Variants in SDK1 observed in about 807,000 individuals in gnomAD.
The protein encoded by SDK1 is protein sidekick-1.
A neutral mutation model predicts 245.5 loss-of-function variants in SDK1; 157 were observed. The ratio of observed to expected loss-of-function variants is 0.64; its 90% confidence interval spans 0.56 to 0.73. The LOEUF (loss-of-function observed/expected upper bound fraction) is 0.73. Ranked by LOEUF, SDK1 falls within the 30% of genes least tolerant of loss-of-function variation. SDK1 has a pLI of 0.00. For synonymous variants in SDK1, 1,647 were observed against 1,278.5 expected (o/e 1.29, Z -6.15); for missense variants, 3,583 against 3,002.3 (o/e 1.19, Z -4.52).
chr7:3,639,093 C>G lies in SDK1; in HGVS notation c.548C>G (p.Ser183Ter). ...ATGGGAGCACTCCTGCAAAGAAAAT[C>G]AGAAGTTCAAGTCGCATGTATGTGT... is the stretch of plus-strand genomic sequence containing the variant. Reference protein sequence around the residue: ...NRMGALLQRKSEVQVAYMGSF... With the variant: ...NRMGALLQRK The change falls in exon 3 of 45, where the codon TCA (serine) becomes TGA (stop). Residue 183 changes from serine (S) to a stop codon, truncating the protein, a stop_gained. Coordinates refer to ENST00000404826, the MANE Select transcript of SDK1 (RefSeq NM_152744.4). LOFTEE classifies it high-confidence loss of function. 1.3e-6 allele frequency: 2 copies of G among 1,598,570 alleles called. No homozygotes were observed. Among genetic ancestry groups the G allele is most frequent in the South Asian group, 1.1e-5 (1 of 89,280 alleles).
intron 17 of SDK1, among the ~76,000 whole-genome samples, chr7:4,032,457 T>C (rs1787889223): frequency 6.6e-6 from 1 of 152,186 alleles, no homozygotes; most frequent in Non-Finnish European, 1.5e-5. Flanking sequence ...TAGTCCACAG[T>C]CTCCTCTGCT....
chr7:4,261,096 A>G (rs750330852), intron 44 of SDK1, among the ~76,000 whole-genome samples: 1 of 152,074 alleles, frequency 6.6e-6, no homozygotes, highest in African/African-American at 2.4e-5. Flanking sequence ...TGTGTCCCCA[A>G]ATCCCAGGAA....
rs376837243 is a variant in SDK1 at position 3,866,343 on chromosome 7, C to T, written c.847+44760C>T. Among the ~76,000 whole-genome samples, 343 of 152,260 alleles carry T rather than the reference C, an allele frequency of 2.3e-3. 6 individuals are homozygous for T. In the South Asian group the frequency reaches 0.029, roughly 13 times the overall value. On this transcript the variant is annotated intron_variant, in intron 5 of 44. Transcript: ENST00000404826. ...GACCCTGCTCTTCTGAGCTCTGATT[C>T]CAGTGGGGAAAGGCAACAAGCAAGT...
intron 2 of SDK1, among the ~76,000 whole-genome samples, chr7:3,621,939 T>C (rs1289573389): frequency 6.6e-6 from 1 of 152,218 alleles, no homozygotes; most frequent in Non-Finnish European, 1.5e-5. Flanking sequence ...TTTTTTACTT[T>C]ATAGTATTTA....
At chr7:3,553,987 C>T (rs1220888346) in intron 1 of SDK1, among the ~76,000 whole-genome samples, 2 of 152,104 alleles carry the variant, frequency 1.3e-5, no homozygotes, top group Non-Finnish European at 2.9e-5. Context: ...TTAAGCTGGC[C>T]CTGGAACCAT....
At chr7:4,085,522 G>T (rs1328738104) in intron 22 of SDK1, among the ~76,000 whole-genome samples, 1 of 151,826 alleles carries the variant, frequency 6.6e-6, no homozygotes, top group African/African-American at 2.4e-5. Context: ...TCAATTTTTA[G>T]CACTGACTTT....
chr7:4,019,932 C>T (rs900562071), intron 17 of SDK1, among the ~76,000 whole-genome samples: 7 of 152,140 alleles, frequency 4.6e-5, no homozygotes, highest in Non-Finnish European at 1.5e-5. Flanking sequence ...GGGACTCAGC[C>T]CTCCCTCTCT....
At chr7:4,140,464 ACT>A (rs1779510027) in intron 28 of SDK1, among the ~76,000 whole-genome samples, 1 of 151,430 alleles carries the variant, frequency 6.6e-6, no homozygotes, top group Non-Finnish European at 1.5e-5. Context: ...AGTTTCCCCC[ACT>A]CTGTGTCGGT....
intron 35 of SDK1, among the ~76,000 whole-genome samples, chr7:4,182,050 G>T (rs1782632966): frequency 6.6e-6 from 1 of 152,158 alleles, no homozygotes; most frequent in Non-Finnish European, 1.5e-5. Context: ...CTCCTGAGTA[G>T]CTGGGATTAC....
chr7:3,765,417 C>G (rs1033397199), intron 4 of SDK1, among the ~76,000 whole-genome samples: 1 of 152,178 alleles, frequency 6.6e-6, no homozygotes, highest in Non-Finnish European at 1.5e-5. Flanking sequence ...ATCTCACATG[C>G]AAGGAAACAG....
chr7:4,073,415 T>G (rs1243990879), intron 20 of SDK1, among the ~76,000 whole-genome samples: 1 of 152,246 alleles, frequency 6.6e-6, no homozygotes, highest in Non-Finnish European at 1.5e-5. Context: ...CACAACCATT[T>G]GAGCACACTA....
chr7:3,641,254 C>G (rs565439250), intron 3 of SDK1, among the ~76,000 whole-genome samples: 3 of 152,012 alleles, frequency 2.0e-5, no homozygotes, highest in Non-Finnish European at 4.4e-5. Context: ...TTACATCTGA[C>G]CATAATATGG....
intron 44 of SDK1, among the ~76,000 whole-genome samples, chr7:4,257,786 C>T (rs1787720176): frequency 6.6e-6 from 1 of 152,240 alleles, no homozygotes; most frequent in African/African-American, 2.4e-5. Context: ...GAACTCACGG[C>T]CTCCCAGCTT....
intron 1 of SDK1, among the ~76,000 whole-genome samples, chr7:3,502,299 G>T (rs1782242032): frequency 6.6e-6 from 1 of 151,966 alleles, no homozygotes; most frequent in South Asian, 2.1e-4. Flanking sequence ...CACCAGGCTG[G>T]AGTGCAGTGG....
At chr7:3,570,521 A>G (rs1049461391) in intron 1 of SDK1, among the ~76,000 whole-genome samples, 2 of 151,764 alleles carry the variant, frequency 1.3e-5, no homozygotes, top group African/African-American at 4.8e-5. Flanking sequence ...CTTTCCCCCA[A>G]CTCTTCTCTG....
chr7:3,724,457 C>A (rs1170247773), intron 4 of SDK1, among the ~76,000 whole-genome samples: 1 of 152,072 alleles, frequency 6.6e-6, no homozygotes, highest in African/African-American at 2.4e-5. Context: ...ATTGTACCAT[C>A]ACCTTATTAT....
intron 22 of SDK1, among the ~76,000 whole-genome samples, chr7:4,102,565 C>G (rs534963604): frequency 6.6e-6 from 1 of 152,284 alleles, no homozygotes; most frequent in South Asian, 2.1e-4. Flanking sequence ...GCAGAATTAC[C>G]TTTGGGATGA....
chr7:3,338,504 T>C, intron 1 of SDK1: 1 of 469,314 alleles, frequency 2.1e-6, no homozygotes, highest in South Asian at 1.8e-5. Context: ...AGGGTTCAGC[T>C]GAAGAGCCAG....
At chr7:3,759,576 A>G (rs992697414) in intron 4 of SDK1, among the ~76,000 whole-genome samples, 10 of 143,502 alleles carry the variant, frequency 7.0e-5, no homozygotes, top group African/African-American at 2.7e-4. Flanking sequence ...TTCTTTTTAA[A>G]TTTTTTTCAT....
Sources: allele counts gnomAD v4.1 joint callset (sites outside exome capture counted in the v4.1 genomes callset), GRCh38; gene constraint gnomAD v4.1.1; transcripts MANE v1.5; gene names NCBI Gene and HGNC (gene_info 2026-07-23, HGNC 2026-07-21).